GALNT17: variants seen among roughly 807,000 people sequenced by gnomAD.
GALNT17 encodes polypeptide N-acetylgalactosaminyltransferase 17.
Under a neutral mutation model 63.7 loss-of-function variants are expected in GALNT17, and 29 were observed. The ratio of observed to expected loss-of-function variants is 0.46; its 90% CI spans 0.34 to 0.62. The LOEUF (loss-of-function observed/expected upper bound fraction) is 0.62. GALNT17 is among the 20% of genes least tolerant of loss of function. GALNT17 has a pLI of 0.01. For missense variants in GALNT17, 603 were observed against 799.6 expected, an observed-to-expected ratio of 0.75 and a Z score of 2.97; for synonymous variants, 305 against 318.3, an observed-to-expected ratio of 0.96 and a Z score of 0.45.
chr7:71,565,172 C>T lies in GALNT17; in HGVS notation c.963-6113C>T, dbSNP rs140420749. Among the ~76,000 whole-genome samples the T allele has an allele frequency of 1.4e-3, 220 of 152,138 alleles. 1 individual carries two copies. Among genetic ancestry groups the T allele is most frequent in the African/African-American group, 5.1e-3 (212 of 41,482 alleles). On this transcript the variant is annotated intron_variant, in intron 5 of 10. Coordinates refer to ENST00000333538, the MANE Select transcript of GALNT17 (RefSeq NM_022479.3). ...ATCCCAGCTACTTGGGATGCTGAGGCAGGAGAATCGCTTGAACCCAGGAGG... is the reference window on the plus strand; with the variant it reads ...ATCCCAGCTACTTGGGATGCTGAGGTAGGAGAATCGCTTGAACCCAGGAGG...
intron 5 of GALNT17, among the ~76,000 whole-genome samples, chr7:71,451,149 C>G (rs577475897): frequency 1.4e-3 from 218 of 152,204 alleles, no homozygotes; most frequent in African/African-American, 4.9e-3. Flanking sequence ...TCTCATTGTT[C>G]AATTCCCACC....
intron 9 of GALNT17, among the ~76,000 whole-genome samples, chr7:71,686,042 C>T (rs11762704): frequency 0.31 from 45,270 of 147,474 alleles, 9,040 homozygotes; most frequent in Middle Eastern, 0.46. Flanking sequence ...GCAACCTCCG[C>T]CTCCTGCGTT....
At chr7:71,674,576 C>T (rs112631262) in intron 8 of GALNT17, among the ~76,000 whole-genome samples, 6,596 of 152,118 alleles carry the variant, frequency 0.043, 142 homozygotes, top group African/African-American at 0.064. Context: ...AATCCAGTGG[C>T]GCAATCTCAG....
At chr7:71,419,734 T>C (rs1786625529) in intron 4 of GALNT17, among the ~76,000 whole-genome samples, 1 of 152,154 alleles carries the variant, frequency 6.6e-6, no homozygotes, top group African/African-American at 2.4e-5. Flanking sequence ...TCTCTGCCAG[T>C]AGCAAAGGGC....
At chr7:71,623,180 C>A (rs1450339450) in intron 6 of GALNT17, among the ~76,000 whole-genome samples, 1 of 152,118 alleles carries the variant, frequency 6.6e-6, no homozygotes, top group African/African-American at 2.4e-5. Context: ...AATGCAAACC[C>A]TGTCTCTGTG....
rs1562746386 is a variant in GALNT17, at chr7:71,712,829, C to G, written c.*683C>G. On this transcript the variant is annotated 3_prime_UTR_variant, in exon 11 of 11. Coordinates refer to ENST00000333538, the MANE Select transcript of GALNT17 (RefSeq NM_022479.3). ...TCTTATCAGTGTGCTTGGGCCAGCTCTCCTGCCTGTGTCTAGAGGAAGCCA... is the reference window on the plus strand; with the variant it reads ...TCTTATCAGTGTGCTTGGGCCAGCTGTCCTGCCTGTGTCTAGAGGAAGCCA... The G allele has an allele frequency of 6.6e-6, 1 of 152,494 alleles. No individual in the cohort carries two copies. Among genetic ancestry groups the G allele is most frequent in the South Asian group, 2.1e-4 (1 of 4,830 alleles). 9.4% of individuals were successfully genotyped at this position (152,494 alleles called of 1,614,324 possible). A position where few individuals can be genotyped will look rare whatever the true frequency, so the allele number is the denominator to read the frequency against.
chr7:71,377,114 A>AAAAAAAAAAAAT, intron 2 of GALNT17, among the ~76,000 whole-genome samples: 8 of 57,466 alleles, frequency 1.4e-4, no homozygotes, highest in African/African-American at 3.7e-4. Context: ...AAATAAAAAA[A>AAAAAAAAAAAAT]ATATATATAT....
chr7:71,629,007 A>C (rs939652626), intron 6 of GALNT17, among the ~76,000 whole-genome samples: 2 of 152,144 alleles, frequency 1.3e-5, no homozygotes, highest in Non-Finnish European at 2.9e-5. Flanking sequence ...TTGGATGGGG[A>C]GTAGTCCATG....
intron 6 of GALNT17, among the ~76,000 whole-genome samples, chr7:71,623,601 C>T (rs954175367): frequency 6.6e-6 from 1 of 151,766 alleles, no homozygotes; most frequent in Non-Finnish European, 1.5e-5. Flanking sequence ...TATTTTTAAC[C>T]TTGCCCAGGC....
chr7:71,371,956 A>C (rs555177700), intron 2 of GALNT17, among the ~76,000 whole-genome samples: 69 of 152,166 alleles, frequency 4.5e-4, no homozygotes, highest in African/African-American at 1.3e-3. Context: ...AGCCATCCTG[A>C]TTAAATTATA....
intron 1 of GALNT17, among the ~76,000 whole-genome samples, chr7:71,221,908 ATT>A (rs370780821): frequency 0.077 from 8,811 of 114,492 alleles, 348 homozygotes; most frequent in East Asian, 0.17. Context: ...CCTTATTTAG[ATT>A]TTTTTTTTTT....
chr7:71,262,679 C>CTT (rs756742343), intron 1 of GALNT17, among the ~76,000 whole-genome samples: 50 of 124,642 alleles, frequency 4.0e-4, no homozygotes, highest in South Asian at 5.2e-4. Flanking sequence ...TTTTTACTTT[C>CTT]TTTTTTTTTT....
At chr7:71,309,930 G>A (rs1387004859) in intron 1 of GALNT17, among the ~76,000 whole-genome samples, 1 of 152,198 alleles carries the variant, frequency 6.6e-6, no homozygotes, top group African/African-American at 2.4e-5. Context: ...GGAGGGACTT[G>A]GTGGGAGGTA....
At chr7:71,520,891 C>T (rs138166591) in intron 5 of GALNT17, among the ~76,000 whole-genome samples, 72 of 152,234 alleles carry the variant, frequency 4.7e-4, no homozygotes, top group African/African-American at 1.7e-3. Context: ...AGGGGCTAAA[C>T]TTGGCTTGAG....
At chr7:71,417,548 C>T (rs890601447) in intron 4 of GALNT17, among the ~76,000 whole-genome samples, 3 of 152,116 alleles carry the variant, frequency 2.0e-5, no homozygotes, top group South Asian at 2.1e-4. Flanking sequence ...GAGAACTTGT[C>T]GGAAATGCAA....
intron 5 of GALNT17, among the ~76,000 whole-genome samples, chr7:71,469,088 A>T (rs1787585559): frequency 6.6e-6 from 1 of 151,978 alleles, no homozygotes; most frequent in South Asian, 2.1e-4. Flanking sequence ...TATGGTGTAT[A>T]TAGGAGTCCG....
At chr7:71,321,909 TC>T (rs1791618135) in intron 1 of GALNT17, among the ~76,000 whole-genome samples, 4 of 88,936 alleles carry the variant, frequency 4.5e-5, no homozygotes, top group South Asian at 1.1e-3. Flanking sequence ...CTTCCTTCCT[TC>T]CTTCCTTCCT....
intron 6 of GALNT17, among the ~76,000 whole-genome samples, chr7:71,627,787 C>T (rs138075054): frequency 9.2e-5 from 14 of 152,318 alleles, no homozygotes; most frequent in Non-Finnish European, 2.1e-4. Flanking sequence ...CAGCTATCAA[C>T]TGCCAAGAAC....
At chr7:71,706,312 G>A (rs1791721735) in intron 9 of GALNT17, among the ~76,000 whole-genome samples, 1 of 152,292 alleles carries the variant, frequency 6.6e-6, no homozygotes, top group South Asian at 2.1e-4. Flanking sequence ...TGTGGCCTCT[G>A]CAGGTCCTGG....
Sources: allele counts gnomAD v4.1 joint callset (sites outside exome capture counted in the v4.1 genomes callset), GRCh38; gene constraint gnomAD v4.1.1; transcripts MANE v1.5; gene names NCBI Gene and HGNC (gene_info 2026-07-23, HGNC 2026-07-21).